The following WDHD1 variants were observed in gnomAD, a reference collection of about 807,000 sequenced individuals.
WDHD1 encodes WD repeat and HMG-box DNA binding protein 1.
Under a neutral mutation model 135.4 loss-of-function variants are expected in WDHD1, and 111 were observed. The ratio of observed to expected loss-of-function variants is 0.82; its 90% confidence interval spans 0.70 to 0.96. WDHD1 has a LOEUF of 0.96. WDHD1 is among the 40% of genes least tolerant of loss of function. The pLI is 0.00. For missense variants in WDHD1, 1,351 were observed against 1,336.3 expected (o/e 1.01, Z -0.17); for synonymous variants, 434 against 439.0 (o/e 0.99, Z 0.14).
Position 54,955,573 on chromosome 14 carries a change from G to C in WDHD1, c.3038C>G (p.Thr1013Ser). Reference protein sequence around the residue: ...ETPAICPPQNTENQRPKTGFQ... With the variant: ...ETPAICPPQNSENQRPKTGFQ... ...TCTATGTACTGACCTTTGGTTTTCA[G>C]TGTTTTGAGGAGGACATATAGCTGG... The change falls in exon 24 of 26, where the codon ACT becomes AGT. Residue 1013 changes from threonine to serine, a missense_variant. By Grantham distance (58) the Thr-to-Ser change is moderately conservative. This residue lies in a region of WDHD1 where 1,330 missense variants were observed against 1,296.1 expected (regional missense o/e 1.03). Coordinates refer to ENST00000360586, the MANE Select transcript of WDHD1 (RefSeq NM_007086.4). 5.1e-6 allele frequency: 8 copies of C among 1,568,448 alleles called. No homozygotes were observed. Among genetic ancestry groups the C allele is most frequent in the Non-Finnish European group, 6.9e-6 (8 of 1,164,628 alleles).
rs1365715628 is a variant in WDHD1 at position 54,995,795 on chromosome 14, T to C, written c.961A>G (p.Lys321Glu). ...CCATCAAAAAGATCATTATAATCCT[T>C]TTCCACTCTGCTAGATACCTTGAAC... ...SSSKVSSRVE[K>E]DYNDLFDGDD... The change falls in exon 11 of 26, where the codon AAG becomes GAG. Residue 321 changes from lysine (K) to glutamate (E), a missense_variant. Coordinates refer to ENST00000360586, the MANE Select transcript of WDHD1 (RefSeq NM_007086.4). 4 of 1,601,702 alleles carry C rather than the reference T, an allele frequency of 2.5e-6. No homozygotes were observed. Among genetic ancestry groups the C allele is most frequent in the African/African-American group, 2.7e-5 (2 of 74,430 alleles).
intron 2 of WDHD1, among the ~76,000 whole-genome samples, chr14:55,017,574 C>T (rs1170532549): frequency 6.6e-6 from 1 of 152,116 alleles, no homozygotes; most frequent in Non-Finnish European, 1.5e-5. Flanking sequence ...AACTCTTGAC[C>T]TCAAGTGATA....
At position 54,967,275 on chromosome 14, in the gene WDHD1, C is replaced by T. The variant is rs2041359864; in HGVS notation, c.2178+5G>A. 1.2e-6 allele frequency: 2 copies of T among 1,604,152 alleles called. No homozygotes were observed. The highest frequency in any genetic ancestry group is 2.7e-5 in the African/African-American group (2 of 74,680). On this transcript the variant is annotated splice_donor_5th_base_variant and intron_variant, in intron 17 of 25. Coordinates refer to ENST00000360586, the MANE Select transcript of WDHD1 (RefSeq NM_007086.4). The stretch of plus-strand genomic sequence containing the variant: ...TCAAAGTGTCAAGGTAAGACTTCCA[C>T]ATACCTCCATTTGTCCTTTCTCTGT...
chr14:54,974,472 C>T (rs1425063163), intron 16 of WDHD1, among the ~76,000 whole-genome samples: 1 of 143,586 alleles, frequency 7.0e-6, no homozygotes, highest in Non-Finnish European at 1.5e-5. Context: ...TTCAAATTGA[C>T]CACAAAACCT....
chr14:54,942,584 C>T (rs892247495), intron 25 of WDHD1, among the ~76,000 whole-genome samples: 1 of 152,204 alleles, frequency 6.6e-6, no homozygotes, highest in African/African-American at 2.4e-5. Flanking sequence ...AACCACTACT[C>T]TATTCTCCAT....
chr14:54,967,299 G>A lies in WDHD1; in HGVS notation c.2159C>T (p.Thr720Ile), dbSNP rs773891221. Residue 720 changes from threonine to isoleucine, a missense_variant, in exon 17 of 26, where the codon ACA (threonine) becomes ATA (isoleucine). By Grantham distance (89) the Thr-to-Ile change is moderately conservative. Transcript: ENST00000360586. ...SFKLPYCQIA[T>I]EKGQMEEQFW... ...ACATACCTCCATTTGTCCTTTCTCT[G>A]TTGCAATCTGACAGTAAGGAAGCTT... The A allele has an allele frequency of 6.2e-7, 1 of 1,611,304 alleles. No homozygotes were observed. Among genetic ancestry groups the A allele is most frequent in the African/African-American group, 1.3e-5 (1 of 74,804 alleles).
At chr14:54,944,616 CT>C (rs780376690) in intron 24 of WDHD1, 146 bp from the exon 25 acceptor site, 41,525 of 268,420 alleles carry the variant, frequency 0.15, 232 homozygotes, top group Non-Finnish European at 0.17. Flanking sequence ...ATTCATGTTA[CT>C]TTTTTTTTTT....
intron 24 of WDHD1, among the ~76,000 whole-genome samples, chr14:54,950,673 C>A (rs1341123711): frequency 2.0e-5 from 3 of 152,190 alleles, no homozygotes; most frequent in Non-Finnish European, 4.4e-5. Context: ...GAACTCTCCA[C>A]CCCAAATCAA....
Position 55,007,231 on chromosome 14 carries a change from T to TAAAAAAAA in WDHD1, c.600+41_600+48dup, listed in dbSNP as rs369698327. 1.2e-4 allele frequency: 129 copies of TAAAAAAAA among 1,056,604 alleles called. 2 individuals carry two copies. The highest frequency in any genetic ancestry group is 4.8e-4 in the South Asian group (30 of 62,476). The allele number at this position is 1,056,604 out of a possible 1,614,324, so 65.5% of individuals were successfully genotyped here. ...AGACAGAGTGAGACTCCATCTCTAA[T>TAAAAAAAA]AAAAAAAAAAAAAAAAAAGAAAAGA... is the stretch of plus-strand genomic sequence containing the variant. On this transcript the variant is annotated intron_variant, in intron 7 of 25. Transcript: ENST00000360586.
Position 54,957,153 on chromosome 14 carries a change from T to G in WDHD1, c.2797A>C (p.Thr933Pro). 1.2e-6 allele frequency: 2 copies of G among 1,614,188 alleles called. No individual in the cohort carries two copies. The highest frequency in any genetic ancestry group is 2.2e-5 in the South Asian group (2 of 91,086). Residue 933 changes from threonine (T) to proline (P), a missense_variant, in exon 23 of 26, where the codon ACT becomes CCT. Coordinates refer to ENST00000360586, the MANE Select transcript of WDHD1 (RefSeq NM_007086.4). ...TTGCCCATATTGTCTAAAATATTAG[T>G]TGAACGTGCTGAATTCATTGACATG... is the stretch of plus-strand genomic sequence containing the variant. ...PAMSMNSARS[T>P]NILDNMGKSS... is the part of the protein sequence containing the mutation.
At position 55,008,725 on chromosome 14, in the gene WDHD1, A is replaced by G; in HGVS notation, c.342-6T>C. The stretch of plus-strand genomic sequence containing the variant: ...CAATTTTGACTAGAAAATCACTAAG[A>G]ACAAAAAGAGTAACGCAAATGAATA... On this transcript the variant is annotated splice_region_variant and splice_polypyrimidine_tract_variant and intron_variant, in intron 4 of 25. Transcript: ENST00000360586. 6.3e-7 allele frequency: 1 copy of G among 1,598,810 alleles called. No homozygotes were observed. The highest frequency in any genetic ancestry group is 8.5e-7 in the Non-Finnish European group (1 of 1,170,834).
At position 54,940,253 on chromosome 14, in the gene WDHD1, T is replaced by C. The variant is rs1251652023; in HGVS notation, c.*1237A>G. On this transcript the variant is annotated 3_prime_UTR_variant, in exon 26 of 26. Coordinates refer to ENST00000360586, the MANE Select transcript of WDHD1 (RefSeq NM_007086.4). Reference sequence around the variant, plus strand: ...CCCAACATGACCCAACTATTAGTAGTAGGTAGAGAAGCGGGTCTCCGAACC... The same window carrying C: ...CCCAACATGACCCAACTATTAGTAGCAGGTAGAGAAGCGGGTCTCCGAACC... 1.3e-5 allele frequency: 2 copies of C among 152,168 alleles called. No individual in the cohort carries two copies. Among genetic ancestry groups the C allele is most frequent in the African/African-American group, 4.8e-5 (2 of 41,444 alleles). The allele number at this position is 152,168 out of a possible 1,614,324, so 9.4% of individuals were successfully genotyped here. A position where few individuals can be genotyped will look rare whatever the true frequency, so the allele number is the denominator to read the frequency against.
intron 21 of WDHD1, 31 bp downstream of exon 21, chr14:54,962,467 T>G (rs374282891): frequency 6.4e-7 from 1 of 1,571,848 alleles, no homozygotes; most frequent in South Asian, 1.1e-5. Flanking sequence ...CAAAATTTCC[T>G]TGATATTACA....
At chr14:54,987,579 CT>C (rs1437800757) in intron 13 of WDHD1, among the ~76,000 whole-genome samples, 192 bp from the exon 14 acceptor site, 17 of 152,040 alleles carry the variant, frequency 1.1e-4, no homozygotes, top group Non-Finnish European at 2.9e-5. Flanking sequence ...TCTTTCCAGC[CT>C]TTTTTCTTTG....
chr14:54,982,619 C>A (rs1482962512), intron 15 of WDHD1, among the ~76,000 whole-genome samples: 3 of 152,156 alleles, frequency 2.0e-5, no homozygotes. Context: ...TTCACACCCC[C>A]CTCACTCTGC....
chr14:54,944,214 TC>T, intron 25 of WDHD1, 117 bp downstream of exon 25: 1 of 1,337,026 alleles, frequency 7.5e-7, no homozygotes, highest in South Asian at 1.4e-5. Flanking sequence ...CGCCTCGACC[TC>T]CCAATGTGCT....
chr14:54,990,447 T>G (rs1308209158), intron 12 of WDHD1, among the ~76,000 whole-genome samples: 2 of 151,920 alleles, frequency 1.3e-5, no homozygotes, highest in African/African-American at 4.8e-5. Flanking sequence ...AATACAAAAA[T>G]TAGCTGGGCA....
At chr14:55,006,519 ATGATTTTCTTCCCCAGT>A (rs1595115400) in intron 7 of WDHD1, among the ~76,000 whole-genome samples, 2 of 152,194 alleles carry the variant, frequency 1.3e-5, no homozygotes, top group African/African-American at 4.8e-5. Context: ...ATTAGTAGTA[ATGATTTTCTTCCCCAGT>A]TGATTTTCTT....
intron 2 of WDHD1, among the ~76,000 whole-genome samples, chr14:55,020,342 T>G (rs1461262664): frequency 6.6e-6 from 1 of 152,206 alleles, no homozygotes. Flanking sequence ...TGGTGAATTC[T>G]CAGTCTTCAA....
Sources: allele counts gnomAD v4.1 joint callset (sites outside exome capture counted in the v4.1 genomes callset), GRCh38; gene constraint gnomAD v4.1.1; regional missense constraint gnomAD v4.1.1; transcripts MANE v1.5; gene names NCBI Gene and HGNC (gene_info 2026-07-23, HGNC 2026-07-21).